GFPT1: variants seen among roughly 807,000 people sequenced by gnomAD.
GFPT1 encodes the protein glutamine--fructose-6-phosphate aminotransferase [isomerizing] 1.
Under a neutral mutation model 92.0 loss-of-function variants are expected in GFPT1, and 40 were observed. That is an observed-to-expected ratio of 0.43 (90% CI 0.34 to 0.57). The LOEUF is 0.57. Among genes scored for constraint, GFPT1 ranks in the 20% least tolerant of loss-of-function variants. GFPT1 has a pLI of 0.02. For synonymous variants in GFPT1, 269 were observed against 280.6 expected, an observed-to-expected ratio of 0.96 and a Z score of 0.41; for missense variants, 448 against 869.1, an observed-to-expected ratio of 0.52 and a Z score of 6.09.
In GFPT1 at chr2:69,327,097, A is replaced by G. The variant is rs763406963; in HGVS notation, c.1894-22T>C. The G allele has an allele frequency of 1.1e-5, 18 of 1,611,864 alleles. 1 individual carries two copies. The South Asian group carries it at 2.0e-4, about 18-fold the overall frequency. ...GCCCCTAGGAAAGAAAATCACACACATACACAACATCACTGGTGGGCAAAG... is the reference window on the plus strand; with the variant it reads ...GCCCCTAGGAAAGAAAATCACACACGTACACAACATCACTGGTGGGCAAAG... On this transcript the variant is annotated intron_variant, in intron 18 of 19. Transcript: ENST00000357308.
chr2:69,340,954 T>C (rs1325449823), intron 13 of GFPT1, among the ~76,000 whole-genome samples: 7 of 151,944 alleles, frequency 4.6e-5, no homozygotes, highest in Non-Finnish European at 8.8e-5. Context: ...CTTCTTCCCG[T>C]GTTCAAAATT....
At chr2:69,355,391 T>TG (rs61226469) in intron 7 of GFPT1, among the ~76,000 whole-genome samples, 74,353 of 151,404 alleles carry the variant, frequency 0.49, 19,027 homozygotes, top group African/African-American at 0.66. Context: ...TACAGGTTTT[T>TG]GGTTTTTTTT....
intron 1 of GFPT1, among the ~76,000 whole-genome samples, chr2:69,377,768 G>A (rs978619958): frequency 2.0e-5 from 3 of 152,212 alleles, no homozygotes; most frequent in African/African-American, 7.2e-5. Context: ...AGTTGAACCT[G>A]TCAGTTTCAT....
At chr2:69,362,357 G>C (rs896678938) in intron 4 of GFPT1, among the ~76,000 whole-genome samples, 1 of 152,098 alleles carries the variant, frequency 6.6e-6, no homozygotes, top group African/African-American at 2.4e-5. Context: ...AAACTCCTGG[G>C]CTCAGGCAAT....
chr2:69,337,737 A>C (rs943082279), intron 15 of GFPT1, among the ~76,000 whole-genome samples, 161 bp downstream of exon 15: 1 of 152,212 alleles, frequency 6.6e-6, no homozygotes, highest in Non-Finnish European at 1.5e-5. Flanking sequence ...CAATAATTAC[A>C]ATGATTAGTA....
chr2:69,345,697 C>T (rs115653599), intron 12 of GFPT1, among the ~76,000 whole-genome samples: 1 of 152,276 alleles, frequency 6.6e-6, no homozygotes, highest in Non-Finnish European at 1.5e-5. Context: ...AATCTACTTT[C>T]TCTTTCTGTG....
At chr2:69,359,496 A>T (rs1001192735) in intron 4 of GFPT1, among the ~76,000 whole-genome samples, 170 bp from the exon 5 acceptor site, 2 of 152,212 alleles carry the variant, frequency 1.3e-5, no homozygotes, top group African/African-American at 4.8e-5. Flanking sequence ...GATTATCATC[A>T]GGTAGATCAG....
chr2:69,357,622 G>A (rs1671370866), intron 6 of GFPT1, among the ~76,000 whole-genome samples: 2 of 152,336 alleles, frequency 1.3e-5, no homozygotes, highest in Non-Finnish European at 2.9e-5. Context: ...GCAGGTGGGA[G>A]AGAAGTGAGG....
At chr2:69,360,464 C>T (rs974793074) in intron 4 of GFPT1, among the ~76,000 whole-genome samples, 3 of 143,248 alleles carry the variant, frequency 2.1e-5, no homozygotes, top group East Asian at 2.0e-4. Context: ...TTTGGAGACA[C>T]GATGTTGCTC....
intron 1 of GFPT1, among the ~76,000 whole-genome samples, chr2:69,381,501 A>G (rs1672008795): frequency 6.6e-6 from 1 of 151,830 alleles, no homozygotes; most frequent in Admixed American, 6.6e-5. Context: ...TGTAATCTCA[A>G]GAGAGACATA....
intron 4 of GFPT1, among the ~76,000 whole-genome samples, chr2:69,362,126 A>C (rs1200839329): frequency 6.6e-6 from 1 of 152,200 alleles, no homozygotes. Context: ...AAGAGGAAAC[A>C]GAAGAGTCTA....
At chr2:69,333,990 T>C (rs1670734922) in intron 15 of GFPT1, among the ~76,000 whole-genome samples, 1 of 152,096 alleles carries the variant, frequency 6.6e-6, no homozygotes, top group Non-Finnish European at 1.5e-5. Context: ...ACCCAGTCTC[T>C]ACTAAAAATA....
In GFPT1 at chr2:69,321,921, T is replaced by C. The variant is rs1415079343; in HGVS notation, c.*4268A>G. 6.6e-6 allele frequency: 1 copy of C among 152,186 alleles called. No homozygotes were observed. The highest frequency in any genetic ancestry group is 1.5e-5 in the Non-Finnish European group (1 of 68,004). 9.4% of individuals were successfully genotyped at this position (152,186 alleles called of 1,614,324 possible). On this transcript the variant is annotated 3_prime_UTR_variant, in exon 20 of 20. Transcript: ENST00000357308. ...ATATAGCATAATTTTACAATCGTAC[T>C]TTCACTATGATTTTTATTTTAACCC...
chr2:69,368,012 G>A (rs1210214130), intron 3 of GFPT1, among the ~76,000 whole-genome samples: 1 of 152,214 alleles, frequency 6.6e-6, no homozygotes, highest in Admixed American at 6.5e-5. Flanking sequence ...ACTTTGGGAG[G>A]TCAAAGAGGG....
intron 1 of GFPT1, among the ~76,000 whole-genome samples, chr2:69,378,094 C>CT (rs1671922508): frequency 5.3e-5 from 8 of 152,220 alleles, no homozygotes; most frequent in Admixed American, 5.2e-4. Flanking sequence ...CAACCTCCAC[C>CT]TCCCAGGTTC....
At chr2:69,369,061 G>A (rs573504626) in intron 3 of GFPT1, among the ~76,000 whole-genome samples, 2 of 152,216 alleles carry the variant, frequency 1.3e-5, no homozygotes, top group African/African-American at 4.8e-5. Context: ...TACAGAACCT[G>A]CTACAATCAG....
At chr2:69,358,554 A>G in intron 5 of GFPT1, 91 bp from the exon 6 acceptor site, 1 of 863,326 alleles carries the variant, frequency 1.2e-6, no homozygotes, top group Non-Finnish European at 1.9e-6. Context: ...AAATGCCACT[A>G]ATTTCTAATA....
intron 13 of GFPT1, among the ~76,000 whole-genome samples, chr2:69,340,495 TG>T (rs1469286764): frequency 3.3e-5 from 5 of 152,192 alleles, no homozygotes; most frequent in Admixed American, 3.3e-4. Context: ...GTTCCATCAC[TG>T]GAACGTTAAG....
At chr2:69,337,206 C>T (rs1351021129) in intron 15 of GFPT1, among the ~76,000 whole-genome samples, 1 of 151,872 alleles carries the variant, frequency 6.6e-6, no homozygotes, top group Non-Finnish European at 1.5e-5. Context: ...GCTGGGATTA[C>T]AGGCACGTGC....
Sources: allele counts gnomAD v4.1 joint callset (sites outside exome capture counted in the v4.1 genomes callset), GRCh38; gene constraint gnomAD v4.1.1; transcripts MANE v1.5; gene names NCBI Gene and HGNC (gene_info 2026-07-23, HGNC 2026-07-21).